Variants in SPTBN5 observed in about 807,000 individuals in gnomAD.
SPTBN5 encodes spectrin beta chain, non-erythrocytic 5.
In SPTBN5, 513 loss-of-function variants were observed where a neutral mutation model predicts 477.6. The ratio of observed to expected loss-of-function variants is 1.07; its 90% CI spans 1.00 to 1.16. SPTBN5 has a LOEUF of 1.16. SPTBN5 is among the 50% of genes most tolerant of loss of function. SPTBN5 has a pLI of 0.00. For synonymous variants in SPTBN5, 2,169 were observed against 2,011.7 expected (o/e 1.08, Z -2.09); for missense variants, 5,062 against 4,731.8 (o/e 1.07, Z -2.05).
intron 46 of SPTBN5, 146 bp from the exon 47 acceptor site, chr15:41,860,904 C>A (rs2066083391): frequency 1.2e-6 from 1 of 817,768 alleles, no homozygotes. Flanking sequence ...TCCCTCAAGG[C>A]TGTTTCCAGC....
In SPTBN5 at chr15:41,858,924, C is replaced by T. The variant is rs753363867; in HGVS notation, c.8045G>A (p.Arg2682Gln). 33 of 1,594,926 alleles carry T rather than the reference C, an allele frequency of 2.1e-5. 1 individual carries two copies. The highest frequency in any genetic ancestry group is 1.7e-4 in the Middle Eastern group (1 of 5,826). ...GTCCTGCAGGAAGGCCTGCAGCTGCCGGAGCTCCTCCAGGCGATGGCGGCG... is the reference window on the plus strand; with the variant it reads ...GTCCTGCAGGAAGGCCTGCAGCTGCTGGAGCTCCTCCAGGCGATGGCGGCG... ...GTRRHRLEEL[R>Q]QLQAFLQDSQ... Residue 2682 changes from arginine (R) to glutamine (Q), a missense_variant, in exon 48 of 68, where the codon CGG becomes CAG. Transcript: ENST00000320955.
intron 27 of SPTBN5, 51 bp from the exon 28 acceptor site, chr15:41,871,968 G>A (rs1403643781): frequency 2.0e-6 from 3 of 1,465,334 alleles, no homozygotes; most frequent in Non-Finnish European, 2.7e-6. Context: ...ACCCCCCTGG[G>A]GGCCAGTCGG....
chr15:41,874,198 G>T, intron 24 of SPTBN5, 94 bp downstream of exon 24: 2 of 1,517,350 alleles, frequency 1.3e-6, no homozygotes, highest in Non-Finnish European at 1.8e-6. Flanking sequence ...CAGGGGTGAG[G>T]GCTTAGAGGC....
At position 41,876,172 on chromosome 15, in the gene SPTBN5, T is replaced by A; in HGVS notation, c.4064A>T (p.His1355Leu). Residue 1355 changes from histidine (H) to leucine (L), a missense_variant, in exon 21 of 68, where the codon CAC becomes CTC. Coordinates refer to ENST00000320955, the MANE Select transcript of SPTBN5 (RefSeq NM_016642.4). ...GAGTAGCTCGCTCTCAGCTGCTTCG[T>A]GCCGCTTGAGTGTCTGCAGGATGTT... ...RRNILQTLKR[H>L]EAAESELLAT... is the part of the protein sequence containing the mutation. 3 of 1,605,794 alleles carry A rather than the reference T, an allele frequency of 1.9e-6. No individual in the cohort carries two copies. The highest frequency in any genetic ancestry group is 2.5e-6 in the Non-Finnish European group (3 of 1,179,710).
intron 49 of SPTBN5, among the ~76,000 whole-genome samples, chr15:41,858,077 G>T (rs543955621): frequency 6.6e-6 from 1 of 152,096 alleles, no homozygotes; most frequent in Non-Finnish European, 1.5e-5. Context: ...CAGGTGGATC[G>T]CCTGAGCTCA....
chr15:41,876,464 T>C (rs1366894242), intron 20 of SPTBN5, 84 bp downstream of exon 20: 4 of 1,372,156 alleles, frequency 2.9e-6, no homozygotes, highest in Non-Finnish European at 4.0e-6. Context: ...GTGAGGAAAG[T>C]GCTCTGTAGG....
At position 41,862,837 on chromosome 15, in the gene SPTBN5, G is replaced by A. The variant is rs1378137097; in HGVS notation, c.7216C>T (p.His2406Tyr). 6.3e-7 allele frequency: 1 copy of A among 1,589,734 alleles called. No individual in the cohort carries two copies. Among genetic ancestry groups the A allele is most frequent in the Non-Finnish European group, 8.6e-7 (1 of 1,169,046 alleles). The stretch of plus-strand genomic sequence containing the variant: ...TGCACTTCCCGCTCCAGCTCCTCGT[G>A]TTTCCGCAGCAGCCTCTGCACGCTC... Reference protein sequence around the residue: ...LESVQRLLRKHEELEREVHPI... With the variant: ...LESVQRLLRKYEELEREVHPI... Residue 2406 changes from histidine (H) to tyrosine (Y), a missense_variant, in exon 42 of 68, where the codon CAC becomes TAC. Coordinates refer to ENST00000320955, the MANE Select transcript of SPTBN5 (RefSeq NM_016642.4).
rs1224039563 is a variant in SPTBN5, at chr15:41,880,250, C to T, written c.2721G>A (p.Glu907=). ...TCTGCTTCTCCAGCCACAACTGGAGCTCCCCACAGGAACTGCAGAAACCGA... is the reference window on the plus strand; with the variant it reads ...TCTGCTTCTCCAGCCACAACTGGAGTTCCCCACAGGAACTGCAGAAACCGA... ...ALFGFCSSCG[E]LQLWLEKQTV... is the part of the protein sequence containing the mutation. The change falls in exon 14 of 68, where the codon GAG becomes GAA. Residue 907 remains glutamate, a synonymous_variant. Transcript: ENST00000320955. 2.5e-6 allele frequency: 4 copies of T among 1,607,544 alleles called. No homozygotes were observed. The highest frequency in any genetic ancestry group is 3.4e-6 in the Non-Finnish European group (4 of 1,177,462).
chr15:41,866,521 A>G (rs751271192), intron 36 of SPTBN5, 28 bp from the exon 37 acceptor site: 7 of 1,511,972 alleles, frequency 4.6e-6, no homozygotes, highest in Non-Finnish European at 6.2e-6. Context: ...TGAATGCTGC[A>G]ATGTTCTGCA....
At chr15:41,849,743 A>G (rs1381522114) in intron 67 of SPTBN5, 126 bp downstream of exon 67, 7 of 731,578 alleles carry the variant, frequency 9.6e-6, no homozygotes, top group African/African-American at 1.8e-5. Context: ...GAGGGTTCCA[A>G]TAGCATTTCC....
Position 41,848,557 on chromosome 15 carries a change from G to T in SPTBN5, c.*59C>A. On this transcript the variant is annotated 3_prime_UTR_variant, in exon 68 of 68. Coordinates refer to ENST00000320955, the MANE Select transcript of SPTBN5 (RefSeq NM_016642.4). Reference sequence around the variant, plus strand: ...TTGCCTGTAGCTGAGTCTTATTCTGGTCCCTTAGATGTGTCCTCGCTTGTG... The same window carrying T: ...TTGCCTGTAGCTGAGTCTTATTCTGTTCCCTTAGATGTGTCCTCGCTTGTG... The T allele has an allele frequency of 6.2e-7, 1 of 1,606,336 alleles. No individual in the cohort carries two copies. Among genetic ancestry groups the T allele is most frequent in the Non-Finnish European group, 8.5e-7 (1 of 1,172,970 alleles).
intron 4 of SPTBN5, 66 bp downstream of exon 4, chr15:41,890,023 G>C: frequency 1.0e-6 from 1 of 993,144 alleles, no homozygotes; most frequent in Non-Finnish European, 1.6e-6. Context: ...GAATCCCCAG[G>C]GGTCTGAGGT....
chr15:41,884,179 G>A (rs1167145164), intron 7 of SPTBN5, among the ~76,000 whole-genome samples: 1 of 152,088 alleles, frequency 6.6e-6, no homozygotes, highest in African/African-American at 2.4e-5. Context: ...GTAGAGACGG[G>A]GTTTCACTGT....
rs753193307 is a variant in SPTBN5 at position 41,868,487 on chromosome 15, C to T, written c.5968G>A (p.Ala1990Thr). 5.0e-6 allele frequency: 8 copies of T among 1,611,464 alleles called. No individual in the cohort carries two copies. Among genetic ancestry groups the T allele is most frequent in the Non-Finnish European group, 6.8e-6 (8 of 1,179,734 alleles). Residue 1990 changes from alanine to threonine, a missense_variant, in exon 33 of 68, where the codon GCG becomes ACG. Ala to Thr is a moderately conservative substitution (Grantham distance 58, BLOSUM62 0). Transcript: ENST00000320955. ...LKLSAHQWLRAELEAREKLWQ... is the reference protein window; with the variant it reads ...LKLSAHQWLRTELEAREKLWQ... Reference sequence around the variant, plus strand: ...AGCTTCTCCCGGGCCTCCAGCTCCGCCCGGAGCCACTGGTGGGCACTGAGC... The same window carrying T: ...AGCTTCTCCCGGGCCTCCAGCTCCGTCCGGAGCCACTGGTGGGCACTGAGC...
In SPTBN5 at chr15:41,857,770, G is replaced by A. The variant is rs138956278; in HGVS notation, c.8227-60C>T. On this transcript the variant is annotated intron_variant, in intron 49 of 67. Transcript: ENST00000320955. ...CAGGACTGCTGGTACCAGGGCACTT[G>A]TGTTGACTCTGACCACCAGCACTAG... The A allele has an allele frequency of 4.3e-4, 642 of 1,507,036 alleles. 2 individuals carry two copies. In the African/African-American group the frequency reaches 7.6e-3, roughly 18 times the overall value. The allele number at this position is 1,507,036 out of a possible 1,614,324, so 93.4% of individuals were successfully genotyped here.
intron 47 of SPTBN5, among the ~76,000 whole-genome samples, chr15:41,859,751 A>G (rs1474830220): frequency 6.6e-6 from 1 of 152,142 alleles, no homozygotes; most frequent in African/African-American, 2.4e-5. Context: ...AGACCAGCAA[A>G]GCAAAGTTTG....
chr15:41,875,010 G>A lies in SPTBN5; in HGVS notation c.4334C>T (p.Ser1445Leu), dbSNP rs140687993. Residue 1445 changes from serine (S) to leucine (L), a missense_variant, in exon 23 of 68, where the codon TCG becomes TTG. Coordinates refer to ENST00000320955, the MANE Select transcript of SPTBN5 (RefSeq NM_016642.4). ...GGAGCGCAGGTCCTGCCCTGTTTCC[G>A]AGCTCTGTAGGGCCCCTTCGAGCTG... ...LEQLEGALQSSETGQDLRSSQ... is the reference protein window; with the variant it reads ...LEQLEGALQSLETGQDLRSSQ... 2.1e-4 allele frequency: 346 copies of A among 1,613,604 alleles called. 3 individuals carry two copies. The East Asian group carries it at 5.6e-3, about 26-fold the overall frequency.
At position 41,878,473 on chromosome 15, in the gene SPTBN5, T is replaced by C. The variant is rs748376432; in HGVS notation, c.3339A>G (p.Gln1113=). 12 of 1,613,448 alleles carry C rather than the reference T, an allele frequency of 7.4e-6. No individual in the cohort carries two copies. Among genetic ancestry groups the C allele is most frequent in the Non-Finnish European group, 1.0e-5 (12 of 1,179,876 alleles). Reference sequence around the variant, plus strand: ...GGACACTCTCTGCCCACAGTAGCAGTTGCTGGCTCTCTTGCAGGAAGCTCT... The same window carrying C: ...GGACACTCTCTGCCCACAGTAGCAGCTGCTGGCTCTCTTGCAGGAAGCTCT... The part of the protein sequence containing the change: ...ARQSFLQESQ[Q]LLLWAESVQA... Residue 1113 remains glutamine (Q), a synonymous_variant, in exon 17 of 68, where the codon CAA becomes CAG. Coordinates refer to ENST00000320955, the MANE Select transcript of SPTBN5 (RefSeq NM_016642.4).
chr15:41,878,292 G>A (rs2066814730), intron 17 of SPTBN5, 50 bp downstream of exon 17: 1 of 1,587,194 alleles, frequency 6.3e-7, no homozygotes, highest in Non-Finnish European at 8.6e-7. Context: ...CCAGAGCCCA[G>A]AGCCCTGGTC....
Sources: allele counts gnomAD v4.1 joint callset (sites outside exome capture counted in the v4.1 genomes callset), GRCh38; gene constraint gnomAD v4.1.1; transcripts MANE v1.5; gene names NCBI Gene and HGNC (gene_info 2026-07-23, HGNC 2026-07-21).